Variants in PDLIM5 observed in about 807,000 individuals in gnomAD.
PDLIM5 encodes PDZ and LIM domain 5, also known as PDZ and LIM domain protein 5.
Under a neutral mutation model 64.2 loss-of-function variants are expected in PDLIM5, and 34 were observed. The observed-to-expected ratio is 0.53, with a 90% CI of 0.40 to 0.71. The LOEUF (loss-of-function observed/expected upper bound fraction) is 0.71, where lower values mean the gene tolerates loss of function less well. Ranked by LOEUF, PDLIM5 falls within the 30% of genes least tolerant of loss-of-function variation. The pLI is 0.00. For synonymous variants in PDLIM5, 253 were observed against 269.1 expected (o/e 0.94, Z 0.59); for missense variants, 683 against 733.6 (o/e 0.93, Z 0.80).
At chr4:94,555,316 A>G (rs1380392247) in intron 3 of PDLIM5, among the ~76,000 whole-genome samples, 1 of 152,194 alleles carries the variant, frequency 6.6e-6, no homozygotes, top group Non-Finnish European at 1.5e-5. Flanking sequence ...TGGCTTCCCA[A>G]AGTGCTGGGA....
chr4:94,522,867 T>C (rs1464144059), intron 2 of PDLIM5, among the ~76,000 whole-genome samples: 5 of 152,228 alleles, frequency 3.3e-5, no homozygotes, highest in African/African-American at 7.2e-5. Context: ...GATCTACTTA[T>C]ACTTACTGAA....
Position 94,666,176 on chromosome 4 carries a change from G to A in PDLIM5, c.*2109G>A, listed in dbSNP as rs1384708404. 2 of 596,020 alleles carry A rather than the reference G, an allele frequency of 3.4e-6. No individual in the cohort carries two copies. Among genetic ancestry groups the A allele is most frequent in the Admixed American group, 7.1e-5 (2 of 28,166 alleles). 36.9% of individuals were successfully genotyped at this position (596,020 alleles called of 1,614,324 possible). ...TGTGTGCATGTTTGTTATAGAGGAG[G>A]TTTTAGGCTACAATATTTGTTTAAC... On this transcript the variant is annotated 3_prime_UTR_variant, in exon 13 of 13. Coordinates refer to ENST00000317968, the MANE Select transcript of PDLIM5 (RefSeq NM_006457.5).
intron 5 of PDLIM5, 93 bp downstream of exon 5, chr4:94,576,127 T>C (rs1273443736): frequency 2.8e-6 from 3 of 1,072,422 alleles, no homozygotes; most frequent in Admixed American, 2.4e-5. Context: ...CAAAACCAAC[T>C]TTCTTTGAAG....
At chr4:94,469,960 A>ATTTTT (rs34572366) in intron 2 of PDLIM5, among the ~76,000 whole-genome samples, 11 of 71,558 alleles carry the variant, frequency 1.5e-4, no homozygotes, top group Admixed American at 4.5e-4. Flanking sequence ...CATTCTTTTA[A>ATTTTT]TTTTTTTTTT....
chr4:94,594,016 C>T (rs528500905), intron 7 of PDLIM5, among the ~76,000 whole-genome samples: 45 of 151,456 alleles, frequency 3.0e-4, no homozygotes, highest in African/African-American at 1.0e-3. Context: ...TTCCAATTCT[C>T]TAATTTTAGG....
At chr4:94,589,950 T>C (rs568223454) in intron 7 of PDLIM5, among the ~76,000 whole-genome samples, 46 of 152,022 alleles carry the variant, frequency 3.0e-4, no homozygotes, top group Admixed American at 7.2e-4. Context: ...ATTTTTATAG[T>C]TTTTTTAGTA....
At chr4:94,657,771 A>G (rs1033680216) in intron 11 of PDLIM5, among the ~76,000 whole-genome samples, 3 of 152,066 alleles carry the variant, frequency 2.0e-5, no homozygotes, top group South Asian at 2.1e-4. Context: ...CAATGGCCCA[A>G]TCTCGGCTCA....
At chr4:94,500,897 T>G (rs1168234157) in intron 2 of PDLIM5, among the ~76,000 whole-genome samples, 3 of 150,668 alleles carry the variant, frequency 2.0e-5, no homozygotes, top group Non-Finnish European at 4.4e-5. Context: ...GGTCCTCCTA[T>G]CTCAAGTTTC....
At chr4:94,502,232 C>G (rs987020290) in intron 2 of PDLIM5, among the ~76,000 whole-genome samples, 4 of 152,112 alleles carry the variant, frequency 2.6e-5, no homozygotes, top group Non-Finnish European at 5.9e-5. Context: ...ATCAGGGCAG[C>G]CATCTAGAGT....
intron 11 of PDLIM5, among the ~76,000 whole-genome samples, chr4:94,658,999 T>C (rs1262634283): frequency 1.3e-5 from 2 of 152,224 alleles, no homozygotes; most frequent in African/African-American, 4.8e-5. Flanking sequence ...CCAAAACACA[T>C]AAAACAGTCT....
intron 8 of PDLIM5, among the ~76,000 whole-genome samples, chr4:94,624,134 A>G (rs1739472671): frequency 1.3e-5 from 2 of 149,622 alleles, no homozygotes; most frequent in Admixed American, 6.7e-5. Context: ...ACATAGCGGG[A>G]CCCCCATCTC....
intron 3 of PDLIM5, among the ~76,000 whole-genome samples, chr4:94,548,555 G>A (rs1284468301): frequency 6.6e-6 from 1 of 152,060 alleles, no homozygotes; most frequent in Admixed American, 6.6e-5. Context: ...TTTAGAAAGA[G>A]GTAAGGAATT....
At chr4:94,552,210 C>A (rs964814395) in intron 3 of PDLIM5, among the ~76,000 whole-genome samples, 1 of 152,026 alleles carries the variant, frequency 6.6e-6, no homozygotes, top group Non-Finnish European at 1.5e-5. Flanking sequence ...TTTTCAGAAT[C>A]TTGAGAGGTT....
intron 2 of PDLIM5, among the ~76,000 whole-genome samples, chr4:94,471,050 G>A (rs1406590228): frequency 6.6e-6 from 1 of 152,110 alleles, no homozygotes; most frequent in Non-Finnish European, 1.5e-5. Context: ...TCACTATCAT[G>A]AGAGCAGCAT....
At position 94,662,447 on chromosome 4, in the gene PDLIM5, A is replaced by AT. The variant is rs1434476700; in HGVS notation, c.1612dup (p.Cys538LeufsTer5). The AT allele has an allele frequency of 6.3e-7, 1 of 1,579,286 alleles. No individual in the cohort carries two copies. The highest frequency in any genetic ancestry group is 1.7e-5 in the Admixed American group (1 of 59,968). On this transcript the variant is annotated frameshift_variant, in exon 12 of 13. Transcript: ENST00000317968. LOFTEE classifies it high-confidence loss of function. The stretch of plus-strand genomic sequence containing the variant: ...ATTATTATGCCCTCTTTGGTACTAT[A>AT]TGCCATGGATGTGAATTTCCCATAG...
intron 11 of PDLIM5, among the ~76,000 whole-genome samples, chr4:94,658,215 T>C (rs4699316): frequency 0.3 from 45,554 of 152,146 alleles, 7,144 homozygotes; most frequent in Non-Finnish European, 0.35. Flanking sequence ...GAATATGATA[T>C]TGATTTGCCC....
intron 10 of PDLIM5, among the ~76,000 whole-genome samples, chr4:94,655,370 T>A (rs1742133536): frequency 6.6e-6 from 1 of 152,076 alleles, no homozygotes; most frequent in African/African-American, 2.4e-5. Context: ...GAAGCCAGAG[T>A]ACCTGGCTTC....
At chr4:94,663,582 G>A (rs529253868) in intron 12 of PDLIM5, among the ~76,000 whole-genome samples, 1 of 152,244 alleles carries the variant, frequency 6.6e-6, no homozygotes, top group African/African-American at 2.4e-5. Context: ...GTTGGGCTTG[G>A]GAAGGTTTGG....
At chr4:94,662,353 C>T in intron 11 of PDLIM5, 69 bp from the exon 12 acceptor site, 1 of 731,766 alleles carries the variant, frequency 1.4e-6, no homozygotes, top group Non-Finnish European at 2.4e-6. Context: ...TTGTTGCTGC[C>T]TTCTAGGAAC....
Sources: allele counts gnomAD v4.1 joint callset (sites outside exome capture counted in the v4.1 genomes callset), GRCh38; gene constraint gnomAD v4.1.1; transcripts MANE v1.5; gene names NCBI Gene and HGNC (gene_info 2026-07-23, HGNC 2026-07-21).